The following ZNF469 variants were observed in gnomAD, a reference collection of about 807,000 sequenced individuals.
ZNF469 encodes the protein zinc finger protein 469.
In ZNF469, 1 loss-of-function variant was observed where a neutral mutation model predicts 1.0. The observed-to-expected ratio is 1.00, with a 90% CI of 0.35 to 4.73. The LOEUF (loss-of-function observed/expected upper bound fraction) is 4.73, where lower values mean the gene tolerates loss of function less well. Among genes scored for constraint, ZNF469 ranks in the 30% most tolerant of loss-of-function variants. ZNF469 has a pLI of 0.16. For synonymous variants in ZNF469, 2,703 were observed against 2,363.4 expected (o/e 1.14, Z -4.17); for missense variants, 6,100 against 5,356.3 (o/e 1.14, Z -4.33).
At chr16:88,149,095 A>G in the ZNF469 span, among the ~76,000 whole-genome samples, 2 of 151,792 alleles carry the variant, frequency 1.3e-5, no homozygotes, top group African/African-American at 4.8e-5. Context: ...GGCCTGGTTC[A>G]TTTGTCATTG....
chr16:88,393,588 C>G, intron 1 of ZNF469, among the ~76,000 whole-genome samples: 1 of 152,282 alleles, frequency 6.6e-6, no homozygotes, highest in Middle Eastern at 3.4e-3. Context: ...GTGGGTTCGC[C>G]CCAGTGCCGA....
chr16:88,327,477 G>A, the ZNF469 span, among the ~76,000 whole-genome samples: 1 of 152,202 alleles, frequency 6.6e-6, no homozygotes, highest in South Asian at 2.1e-4. Context: ...TGTGGGTGCT[G>A]AAATGTTCTC....
At chr16:88,298,394 C>T in the ZNF469 span, among the ~76,000 whole-genome samples, 3 of 152,190 alleles carry the variant, frequency 2.0e-5, no homozygotes, top group East Asian at 1.9e-4. Flanking sequence ...GGGCCAGTGC[C>T]GCCAAGTTGC....
the ZNF469 span, among the ~76,000 whole-genome samples, chr16:88,167,155 G>A: frequency 2.7e-5 from 4 of 145,598 alleles, no homozygotes; most frequent in Non-Finnish European, 4.5e-5. Context: ...TCCGCCTCCC[G>A]GGTTCAAGCG....
Position 88,435,062 on chromosome 16 carries a change from A to G in ZNF469, c.7592A>G (p.His2531Arg). Residue 2531 changes from histidine to arginine, a missense_variant, in exon 3 of 3, where the codon CAC (histidine) becomes CGC (arginine). Coordinates refer to ENST00000565624, the MANE Select transcript of ZNF469 (RefSeq NM_001367624.2). ...QKCQPPRKKS[H>R]RVSGKERPNH... ...TGCCAGCCGCCCAGGAAGAAAAGCC[A>G]CAGGGTGTCTGGGAAGGAGAGACCA... The G allele has an allele frequency of 6.4e-7, 1 of 1,550,394 alleles. No individual in the cohort carries two copies. Among genetic ancestry groups the G allele is most frequent in the East Asian group, 2.4e-5 (1 of 40,920 alleles).
upstream of ZNF469, among the ~76,000 whole-genome samples, chr16:88,378,313 T>C (rs1235708906): frequency 6.6e-6 from 1 of 152,120 alleles, no homozygotes; most frequent in African/African-American, 2.4e-5. Flanking sequence ...AAATTGAGGG[T>C]CTACTCAGCA....
the ZNF469 span, among the ~76,000 whole-genome samples, chr16:88,231,055 G>A: frequency 6.6e-6 from 1 of 152,164 alleles, no homozygotes; most frequent in South Asian, 2.1e-4. The surrounding 1 kb of genome is among the most constrained non-coding windows in gnomAD (Gnocchi z 4.5). Context: ...AGCCGCACGT[G>A]CCCTCCCCTC....
chr16:88,323,013 G>A, the ZNF469 span, among the ~76,000 whole-genome samples: 2 of 152,346 alleles, frequency 1.3e-5, no homozygotes, highest in East Asian at 1.9e-4. Context: ...ACCCAGCCAC[G>A]GCCATCTGGA....
the ZNF469 span, among the ~76,000 whole-genome samples, chr16:88,164,961 C>T: frequency 3.9e-5 from 6 of 152,088 alleles, no homozygotes; most frequent in Non-Finnish European, 7.4e-5. Flanking sequence ...CGCCATGCCA[C>T]GGTGCCGAGG....
chr16:88,218,670 G>A, the ZNF469 span, among the ~76,000 whole-genome samples: 457 of 149,976 alleles, frequency 3.0e-3, 2 homozygotes, highest in African/African-American at 9.9e-3. Context: ...CATACTGAAT[G>A]GGCAAAAACT....
At chr16:88,323,746 C>A in the ZNF469 span, among the ~76,000 whole-genome samples, 14 of 152,278 alleles carry the variant, frequency 9.2e-5, 2 homozygotes, top group African/African-American at 3.4e-4. Context: ...CGGTAATGGC[C>A]GTGGTCCCAC....
chr16:88,357,194 ACCCGGGTTTGAATCCCACTC>A, the ZNF469 span, among the ~76,000 whole-genome samples: 1 of 152,080 alleles, frequency 6.6e-6, no homozygotes, highest in Non-Finnish European at 1.5e-5. Flanking sequence ...AGAGCCCTGG[ACCCGGGTTTGAATCCCACTC>A]CCCACTTACT....
the ZNF469 span, among the ~76,000 whole-genome samples, chr16:88,195,897 G>A: frequency 6.6e-6 from 1 of 152,232 alleles, no homozygotes; most frequent in African/African-American, 2.4e-5. Flanking sequence ...GGGAGCTCCA[G>A]AGACAACACC....
At chr16:88,390,184 C>T (rs1050163693) in intron 1 of ZNF469, among the ~76,000 whole-genome samples, 1 of 152,200 alleles carries the variant, frequency 6.6e-6, no homozygotes, top group South Asian at 2.1e-4. Flanking sequence ...GAGGGGCTCA[C>T]GGAGGTCAGG....
At chr16:88,392,194 C>T (rs1050826851) in intron 1 of ZNF469, among the ~76,000 whole-genome samples, 3 of 152,406 alleles carry the variant, frequency 2.0e-5, no homozygotes, top group South Asian at 2.1e-4. Flanking sequence ...CTCCTTGCTG[C>T]GCCCTCAGGA....
chr16:88,171,253 C>T, the ZNF469 span, among the ~76,000 whole-genome samples: 1 of 152,178 alleles, frequency 6.6e-6, no homozygotes, highest in African/African-American at 2.4e-5. Flanking sequence ...TGTTCTAGCC[C>T]CAGCTCCACC....
At chr16:88,260,724 C>A in the ZNF469 span, among the ~76,000 whole-genome samples, 1 of 152,142 alleles carries the variant, frequency 6.6e-6, no homozygotes, top group African/African-American at 2.4e-5. This position sits in a 1 kb window ranked among gnomAD's most constrained non-coding sequence, Gnocchi z 4.1. Flanking sequence ...CCAGAGATAT[C>A]AGATCCTAAT....
Position 88,440,478 on chromosome 16 carries a change from T to C in ZNF469, c.*1146T>C, listed in dbSNP as rs929926284. On this transcript the variant is annotated 3_prime_UTR_variant, in exon 3 of 3. Coordinates refer to ENST00000565624, the MANE Select transcript of ZNF469 (RefSeq NM_001367624.2). ...TGGGTCAAAGGGTGAGAGGGCTTCC[T>C]TCTCACCCTTCTCTCCATAAGTATC... The C allele has an allele frequency of 2.6e-5, 4 of 152,144 alleles. No homozygotes were observed. Among genetic ancestry groups the C allele is most frequent in the Non-Finnish European group, 1.5e-5 (1 of 67,988 alleles). The allele number at this position is 152,144 out of a possible 1,614,324, so 9.4% of individuals were successfully genotyped here. A position where few individuals can be genotyped will look rare whatever the true frequency, so the allele number is the denominator to read the frequency against.
chr16:88,367,555 C>T, the ZNF469 span, among the ~76,000 whole-genome samples: 2 of 152,176 alleles, frequency 1.3e-5, no homozygotes, highest in East Asian at 1.9e-4. Flanking sequence ...AGGAAGTGCA[C>T]GTCCCAGCGC....
Sources: gnomAD v4.1 joint callset for allele counts (sites outside exome capture counted in the v4.1 genomes callset) on GRCh38, gnomAD v4.1.1 for gene constraint, Gnocchi (gnomAD v3.1) non-coding constraint, MANE v1.5 for transcripts, NCBI Gene and HGNC (gene_info 2026-07-23, HGNC 2026-07-21) for gene names.